ROBO1: variants seen among roughly 807,000 people sequenced by gnomAD.
ROBO1 encodes the protein roundabout homolog 1.
ROBO1 carries 149 observed loss-of-function variants against 195.9 expected under a neutral mutation model. That is an observed-to-expected ratio of 0.76 (90% confidence interval 0.67 to 0.87). The LOEUF is 0.87. Among genes scored for constraint, ROBO1 ranks in the 40% least tolerant of loss-of-function variants. The pLI is 0.00. For synonymous variants in ROBO1, 816 were observed against 733.2 expected (o/e 1.11, Z -1.82); for missense variants, 1,933 against 2,068.3 (o/e 0.93, Z 1.27).
At chr3:79,473,847 A>C (rs1263029986) in intron 2 of ROBO1, among the ~76,000 whole-genome samples, 1 of 152,034 alleles carries the variant, frequency 6.6e-6, no homozygotes, top group African/African-American at 2.4e-5. Context: ...AACAGAAAAA[A>C]ATTACTCTTT....
chr3:79,139,820 A>G (rs2080486972), intron 2 of ROBO1, among the ~76,000 whole-genome samples: 1 of 152,196 alleles, frequency 6.6e-6, no homozygotes, highest in South Asian at 2.1e-4. Context: ...TATTGTGCTT[A>G]GCATCTGCTA....
intron 3 of ROBO1, among the ~76,000 whole-genome samples, chr3:79,090,879 A>G (rs2079467448): frequency 6.6e-6 from 1 of 152,138 alleles, no homozygotes; most frequent in South Asian, 2.1e-4. Context: ...TCATGTTTAA[A>G]TTCTGCTTTA....
At chr3:78,844,213 C>T (rs1386319726) in intron 4 of ROBO1, among the ~76,000 whole-genome samples, 1 of 152,086 alleles carries the variant, frequency 6.6e-6, no homozygotes, top group Non-Finnish European at 1.5e-5. Context: ...TTCTAAGAAA[C>T]TCAAAGTGAA....
intron 2 of ROBO1, among the ~76,000 whole-genome samples, chr3:79,315,312 A>G (rs2033683307): frequency 1.3e-5 from 2 of 152,192 alleles, no homozygotes; most frequent in Non-Finnish European, 2.9e-5. Context: ...GTTTTCATTA[A>G]ACTAGATATT....
At chr3:78,839,775 T>G (rs564401194) in intron 4 of ROBO1, among the ~76,000 whole-genome samples, 1 of 152,254 alleles carries the variant, frequency 6.6e-6, no homozygotes, top group South Asian at 2.1e-4. Context: ...TTTCTCTCCT[T>G]TGAACTATCT....
At position 78,968,391 on chromosome 3, in the gene ROBO1, A is replaced by G. The variant is rs113085077; in HGVS notation, c.173-29464T>C. Reference sequence around the variant, plus strand: ...CCAGGTTCAACCAATTCTCCTCCCGAATAGCTGGGATTATAGGTGTGCGCC... The same window carrying G: ...CCAGGTTCAACCAATTCTCCTCCCGGATAGCTGGGATTATAGGTGTGCGCC... On this transcript the variant is annotated intron_variant, in intron 3 of 30. Transcript: ENST00000464233. 6.3e-4 allele frequency among the ~76,000 whole-genome samples: 95 copies of G among 151,058 alleles called. 1 individual carries two copies. Among genetic ancestry groups the G allele is most frequent in the African/African-American group, 2.2e-3 (90 of 41,108 alleles).
chr3:78,839,924 A>C (rs999961891), intron 4 of ROBO1, among the ~76,000 whole-genome samples: 1 of 152,210 alleles, frequency 6.6e-6, no homozygotes, highest in Non-Finnish European at 1.5e-5. Context: ...ACTTTTATTA[A>C]GATAACAGTG....
intron 4 of ROBO1, among the ~76,000 whole-genome samples, chr3:78,892,235 G>A (rs2036946821): frequency 6.6e-6 from 1 of 152,232 alleles, no homozygotes; most frequent in Middle Eastern, 3.4e-3. Context: ...TCATAGAAGT[G>A]CAAACCCTAT....
At chr3:78,832,445 C>T (rs1168659531) in intron 4 of ROBO1, among the ~76,000 whole-genome samples, 5 of 152,160 alleles carry the variant, frequency 3.3e-5, no homozygotes, top group Non-Finnish European at 5.9e-5. Context: ...TTTTCCTTTA[C>T]TCAGAAGAGG....
intron 3 of ROBO1, among the ~76,000 whole-genome samples, chr3:79,085,840 C>T (rs1177971823): frequency 6.6e-6 from 1 of 152,134 alleles, no homozygotes; most frequent in Non-Finnish European, 1.5e-5. Flanking sequence ...CAGGACGTAA[C>T]TTCATTACTA....
chr3:79,731,635 G>T (rs1275393279), intron 1 of ROBO1, among the ~76,000 whole-genome samples: 2 of 151,960 alleles, frequency 1.3e-5, no homozygotes, highest in African/African-American at 4.8e-5. Flanking sequence ...TATTGAGTAG[G>T]CACAAATATT....
chr3:78,757,725 A>G (rs1377963544), intron 4 of ROBO1, among the ~76,000 whole-genome samples: 1 of 152,188 alleles, frequency 6.6e-6, no homozygotes, highest in Non-Finnish European at 1.5e-5. Flanking sequence ...GTTGCCAATT[A>G]TAACATCCCC....
chr3:79,153,741 GTATT>G (rs1192875563), intron 2 of ROBO1, among the ~76,000 whole-genome samples: 1 of 147,244 alleles, frequency 6.8e-6, no homozygotes, highest in African/African-American at 2.5e-5. Context: ...AAATAATATA[GTATT>G]TATATATAAT....
chr3:79,680,747 A>G (rs928631008), intron 1 of ROBO1, among the ~76,000 whole-genome samples: 9 of 152,038 alleles, frequency 5.9e-5, no homozygotes, highest in Non-Finnish European at 1.0e-4. Context: ...TTGTATTATA[A>G]TGACATAGCA....
chr3:78,828,885 A>G (rs1056834599), intron 4 of ROBO1, among the ~76,000 whole-genome samples: 12 of 152,234 alleles, frequency 7.9e-5, no homozygotes, highest in Non-Finnish European at 1.5e-4. Context: ...CCTAATATAA[A>G]TCGTGCAACC....
intron 2 of ROBO1, among the ~76,000 whole-genome samples, chr3:79,266,455 C>T (rs1056298619): frequency 6.6e-6 from 1 of 151,508 alleles, no homozygotes; most frequent in Non-Finnish European, 1.5e-5. Context: ...TTCTTAGCTA[C>T]AGAATACTGA....
chr3:79,549,944 G>C (rs1942414829), intron 2 of ROBO1, among the ~76,000 whole-genome samples: 2 of 151,592 alleles, frequency 1.3e-5, no homozygotes, highest in Non-Finnish European at 2.9e-5. Context: ...GGGCAACATA[G>C]TAAGACATCA....
intron 2 of ROBO1, among the ~76,000 whole-genome samples, chr3:79,398,507 C>T (rs2037236406): frequency 6.6e-6 from 1 of 152,092 alleles, no homozygotes; most frequent in Non-Finnish European, 1.5e-5. Context: ...GATGTGACTT[C>T]TGAGCAAACT....
At chr3:79,720,080 A>T (rs909263877) in intron 1 of ROBO1, among the ~76,000 whole-genome samples, 19 of 152,336 alleles carry the variant, frequency 1.2e-4, no homozygotes, top group African/African-American at 4.6e-4. Flanking sequence ...TAAGATAATA[A>T]AAGTGTTAAG....
Sources: gnomAD v4.1 joint callset for allele counts (sites outside exome capture counted in the v4.1 genomes callset) on GRCh38, gnomAD v4.1.1 for gene constraint, MANE v1.5 for transcripts, NCBI Gene and HGNC (gene_info 2026-07-23, HGNC 2026-07-21) for gene names.